Variants in GLRA3 observed in about 807,000 individuals in gnomAD.
GLRA3 encodes the protein glycine receptor subunit alpha-3.
Under a neutral mutation model 60.4 loss-of-function variants are expected in GLRA3, and 44 were observed. That is an observed-to-expected ratio of 0.73 (90% CI 0.57 to 0.94). The LOEUF (loss-of-function observed/expected upper bound fraction) is 0.94. Among genes scored for constraint, GLRA3 ranks in the 40% least tolerant of loss-of-function variants. The probability of loss-of-function intolerance (pLI) is 0.00; values close to 1 mark genes in which losing one functional copy is unlikely to be tolerated. For missense variants in GLRA3, 508 were observed against 564.6 expected (o/e 0.90, Z 1.02); for synonymous variants, 223 against 192.9 (o/e 1.16, Z -1.29).
Position 174,720,869 on chromosome 4 carries a change from C to G in GLRA3, c.492-5299G>C, listed in dbSNP as rs188570910. Reference sequence around the variant, plus strand: ...TTAAAAATCAAGCATGATATTACAGCAACTTAAGTATATGAATGTGAGTGG... The same window carrying G: ...TTAAAAATCAAGCATGATATTACAGGAACTTAAGTATATGAATGTGAGTGG... On this transcript the variant is annotated intron_variant, in intron 4 of 9. Coordinates refer to ENST00000274093, the MANE Select transcript of GLRA3 (RefSeq NM_006529.4). 1.7e-3 allele frequency among the ~76,000 whole-genome samples: 263 copies of G among 152,246 alleles called. 1 individual carries two copies. The highest frequency in any genetic ancestry group is 2.7e-3 in the Non-Finnish European group (187 of 68,020).
intron 1 of GLRA3, among the ~76,000 whole-genome samples, chr4:174,816,650 T>C (rs756290716): frequency 3.3e-5 from 5 of 152,042 alleles, no homozygotes; most frequent in Non-Finnish European, 5.9e-5. Context: ...CTTGGTCATT[T>C]CTAATTGTGT....
At chr4:174,716,204 C>T (rs1032572330) in intron 4 of GLRA3, among the ~76,000 whole-genome samples, 10 of 152,104 alleles carry the variant, frequency 6.6e-5, no homozygotes, top group African/African-American at 2.4e-4. Context: ...GCCTCATGTT[C>T]CCCGGTGTGG....
chr4:174,748,725 GT>G (rs1737343832), intron 3 of GLRA3, among the ~76,000 whole-genome samples: 1 of 152,158 alleles, frequency 6.6e-6, no homozygotes. Context: ...TACGTTTTCT[GT>G]GAAGACAAAG....
intron 3 of GLRA3, among the ~76,000 whole-genome samples, chr4:174,730,390 C>T (rs750502943): frequency 6.6e-6 from 1 of 152,114 alleles, no homozygotes; most frequent in Non-Finnish European, 1.5e-5. Flanking sequence ...CAGGAGAAGA[C>T]TGAACAAGGT....
chr4:174,676,865 C>T (rs1477046533), intron 7 of GLRA3, among the ~76,000 whole-genome samples: 2 of 152,060 alleles, frequency 1.3e-5, no homozygotes, highest in African/African-American at 2.4e-5. Flanking sequence ...GGAATAATAA[C>T]ACAAAATGTG....
At chr4:174,741,613 T>C (rs1479080639) in intron 3 of GLRA3, among the ~76,000 whole-genome samples, 1 of 152,066 alleles carries the variant, frequency 6.6e-6, no homozygotes, top group African/African-American at 2.4e-5. Flanking sequence ...CCATTATTTA[T>C]ATTTTTTAAA....
chr4:174,810,881 A>G (rs1740240816), intron 1 of GLRA3, among the ~76,000 whole-genome samples: 1 of 152,208 alleles, frequency 6.6e-6, no homozygotes, highest in African/African-American at 2.4e-5. Flanking sequence ...TCCGTGAAAT[A>G]GCAGTTGATT....
At chr4:174,658,789 GTGT>G (rs1484980568) in intron 8 of GLRA3, among the ~76,000 whole-genome samples, 1 of 152,142 alleles carries the variant, frequency 6.6e-6, no homozygotes, top group Non-Finnish European at 1.5e-5. Flanking sequence ...AATTTAAAAA[GTGT>G]TGTTCCAGGA....
intron 9 of GLRA3, among the ~76,000 whole-genome samples, chr4:174,645,619 C>A (rs577909608): frequency 6.6e-6 from 1 of 152,026 alleles, no homozygotes; most frequent in South Asian, 2.1e-4. Context: ...ACCTGCAAAA[C>A]AAAAGTATAT....
chr4:174,650,459 G>GCA (rs1206563210), intron 9 of GLRA3, among the ~76,000 whole-genome samples: 3 of 152,140 alleles, frequency 2.0e-5, no homozygotes, highest in Non-Finnish European at 4.4e-5. Flanking sequence ...CTCTAAGGTG[G>GCA]CTGCTAGGAT....
At chr4:174,652,798 ATG>A (rs1392485053) in intron 9 of GLRA3, among the ~76,000 whole-genome samples, 1 of 152,120 alleles carries the variant, frequency 6.6e-6, no homozygotes, top group East Asian at 1.9e-4. Flanking sequence ...ATATTAACAC[ATG>A]TGTGAGGCAA....
rs1735891313 is a variant in GLRA3, at chr4:174,715,638, G to A, written c.492-68C>T. 4 of 719,250 alleles carry A rather than the reference G, an allele frequency of 5.6e-6. No homozygotes were observed. The East Asian group carries it at 8.1e-5, about 15-fold the overall frequency. The allele number at this position is 719,250 out of a possible 1,614,324, so 44.6% of individuals were successfully genotyped here. ...TATATTAATATTCTATTGTACAGGA[G>A]AAACAATGTTGCTTTGCTGGTGACT... On this transcript the variant is annotated intron_variant, in intron 4 of 9. Transcript: ENST00000274093.
intron 2 of GLRA3, among the ~76,000 whole-genome samples, chr4:174,787,167 G>C (rs1739156360): frequency 6.6e-6 from 1 of 152,104 alleles, no homozygotes. Context: ...CTCTTGTGTG[G>C]TTGGTAACTT....
intron 1 of GLRA3, among the ~76,000 whole-genome samples, chr4:174,797,181 AT>A (rs1366268645): frequency 3.9e-5 from 6 of 152,160 alleles, no homozygotes; most frequent in Non-Finnish European, 7.4e-5. Flanking sequence ...TTTAGAATGA[AT>A]TTTGGATAAG....
intron 1 of GLRA3, among the ~76,000 whole-genome samples, chr4:174,793,536 T>C (rs1049293095): frequency 2.0e-5 from 3 of 151,830 alleles, no homozygotes; most frequent in Non-Finnish European, 2.9e-5. Context: ...CCCCGCAACG[T>C]TGAACTTCTG....
intron 5 of GLRA3, among the ~76,000 whole-genome samples, chr4:174,709,798 G>A (rs1329257566): frequency 6.6e-6 from 1 of 152,014 alleles, no homozygotes; most frequent in Admixed American, 6.6e-5. Context: ...AATTCTCAGT[G>A]ATGAGTTAGC....
chr4:174,737,919 T>G (rs1309854988), intron 3 of GLRA3, among the ~76,000 whole-genome samples: 2 of 152,230 alleles, frequency 1.3e-5, no homozygotes, highest in Non-Finnish European at 2.9e-5. Context: ...TGAGGACTTT[T>G]ATGGCATACA....
At chr4:174,756,878 C>T (rs1367443089) in intron 3 of GLRA3, among the ~76,000 whole-genome samples, 2 of 152,150 alleles carry the variant, frequency 1.3e-5, no homozygotes, top group South Asian at 2.1e-4. Flanking sequence ...CGTCTCCTGA[C>T]CTCGTGATCC....
intron 8 of GLRA3, among the ~76,000 whole-genome samples, chr4:174,657,549 C>T (rs546799738): frequency 2.1e-3 from 314 of 152,082 alleles, no homozygotes; most frequent in African/African-American, 7.3e-3. Context: ...TTACTAGTAA[C>T]GAAGAAAGAC....
Sources: gnomAD v4.1 joint callset for allele counts (sites outside exome capture counted in the v4.1 genomes callset) on GRCh38, gnomAD v4.1.1 for gene constraint, MANE v1.5 for transcripts, NCBI Gene and HGNC (gene_info 2026-07-23, HGNC 2026-07-21) for gene names.